Variants in ARHGEF38 observed in about 807,000 individuals in gnomAD.
The protein encoded by ARHGEF38 is Rho guanine nucleotide exchange factor 38.
A neutral mutation model predicts 79.9 loss-of-function variants in ARHGEF38; 79 were observed. The ratio of observed to expected loss-of-function variants is 0.99; its 90% CI spans 0.82 to 1.19. The LOEUF (loss-of-function observed/expected upper bound fraction) is 1.19, where lower values mean the gene tolerates loss of function less well. ARHGEF38 is among the 50% of genes most tolerant of loss of function. The pLI, the probability that ARHGEF38 is intolerant of heterozygous loss-of-function variation, is 0.00. For synonymous variants in ARHGEF38, 366 were observed against 328.3 expected, an observed-to-expected ratio of 1.11 and a Z score of -1.24; for missense variants, 962 against 907.2, an observed-to-expected ratio of 1.06 and a Z score of -0.78.
At chr4:105,560,253 A>G (rs976476513) in intron 1 of ARHGEF38, among the ~76,000 whole-genome samples, 1 of 152,064 alleles carries the variant, frequency 6.6e-6, no homozygotes, top group Non-Finnish European at 1.5e-5. Flanking sequence ...GTTGTCGGGG[A>G]ACAAAATTAC....
intron 1 of ARHGEF38, among the ~76,000 whole-genome samples, chr4:105,579,916 A>G (rs865777804): frequency 5.3e-5 from 8 of 152,176 alleles, no homozygotes; most frequent in Middle Eastern, 6.8e-3. Context: ...GGAGCTCATT[A>G]TTGGTCTGTT....
intron 3 of ARHGEF38, among the ~76,000 whole-genome samples, chr4:105,622,903 C>T (rs947959830): frequency 6.6e-6 from 1 of 152,168 alleles, no homozygotes; most frequent in African/African-American, 2.4e-5. Context: ...CACACCTTTG[C>T]ACACACACTT....
intron 5 of ARHGEF38, among the ~76,000 whole-genome samples, chr4:105,639,067 G>T (rs941289555): frequency 1.2e-4 from 18 of 151,444 alleles, no homozygotes; most frequent in Admixed American, 2.6e-4. Context: ...TCCACTACTT[G>T]CCAACACTAG....
rs1578253642 is a variant in ARHGEF38, at chr4:105,561,469, A to AATGGAATGGAATG, written c.196+8508_196+8509insATGGAATGGAATG. 2.7e-3 allele frequency: 133 copies of AATGGAATGGAATG among 49,674 alleles called. 13 individuals are homozygous for AATGGAATGGAATG. The highest frequency in any genetic ancestry group is 3.3e-3 in the African/African-American group (38 of 11,504). 3.1% of individuals were successfully genotyped at this position (49,674 alleles called of 1,614,324 possible). A position where few individuals can be genotyped will look rare whatever the true frequency, so the allele number is the denominator to read the frequency against. ...AGAATGGAATAGAATAGAATAGAAT[A>AATGGAATGGAATG]GAATAGAATAGAATAGAATAGAATA... On this transcript the variant is annotated intron_variant, in intron 1 of 13. Transcript: ENST00000420470.
chr4:105,642,644 A>G (rs1252819517), intron 5 of ARHGEF38, among the ~76,000 whole-genome samples: 1 of 152,204 alleles, frequency 6.6e-6, no homozygotes, highest in African/African-American at 2.4e-5. Context: ...AAAATGAGGA[A>G]GAACCAACAC....
At chr4:105,585,087 A>G (rs11935777) in intron 1 of ARHGEF38, among the ~76,000 whole-genome samples, 32,713 of 152,082 alleles carry the variant, frequency 0.22, 4,611 homozygotes, top group African/African-American at 0.4. Context: ...ATTTTTCTTG[A>G]CAAGTTGGTA....
chr4:105,584,474 T>G (rs1351992576), intron 1 of ARHGEF38, among the ~76,000 whole-genome samples: 1 of 152,196 alleles, frequency 6.6e-6, no homozygotes, highest in Non-Finnish European at 1.5e-5. Context: ...ACTAACGTTA[T>G]CCTTAACTTA....
chr4:105,570,583 G>T (rs1304484902), intron 1 of ARHGEF38, among the ~76,000 whole-genome samples: 1 of 152,128 alleles, frequency 6.6e-6, no homozygotes, highest in Non-Finnish European at 1.5e-5. Context: ...TGAAGAGTGG[G>T]GAAAAGGCCC....
At chr4:105,556,210 T>C (rs891340912) in intron 1 of ARHGEF38, among the ~76,000 whole-genome samples, 1 of 152,198 alleles carries the variant, frequency 6.6e-6, no homozygotes, top group Non-Finnish European at 1.5e-5. Flanking sequence ...ATTTGGTAAA[T>C]TGACATTTAT....
Position 105,679,957 on chromosome 4 carries a change from T to C in ARHGEF38, c.*2020T>C. The C allele has an allele frequency of 7.4e-7, 1 of 1,355,584 alleles. No homozygotes were observed. The highest frequency in any genetic ancestry group is 1.7e-5 in the Admixed American group (1 of 58,988). The allele number at this position is 1,355,584 out of a possible 1,614,324, so 84.0% of individuals were successfully genotyped here. On this transcript the variant is annotated 3_prime_UTR_variant, in exon 14 of 14. Coordinates refer to ENST00000420470, the MANE Select transcript of ARHGEF38 (RefSeq NM_001242729.2). ...GAAGCCTTTTAGTGTAATTTCTCTT[T>C]GTGACTGTGCAATGTCCCCATGTAA...
intron 6 of ARHGEF38, among the ~76,000 whole-genome samples, chr4:105,646,574 G>A (rs996525795): frequency 6.6e-6 from 1 of 152,134 alleles, no homozygotes; most frequent in Non-Finnish European, 1.5e-5. Context: ...ACAATACCTA[G>A]CAAAGTTGAA....
Position 105,666,268 on chromosome 4 carries a change from C to G in ARHGEF38, c.1637C>G (p.Thr546Ser). 1.3e-6 allele frequency: 2 copies of G among 1,534,802 alleles called. No homozygotes were observed. Among genetic ancestry groups the G allele is most frequent in the Non-Finnish European group, 1.7e-6 (2 of 1,146,272 alleles). ...NLNCVKENSA[T>S]FIERKLSFEK... ...AATTGTGTGAAAGAAAACAGTGCCACCTTTATTGAGAGGAAACTCAGTTTT... is the reference window on the plus strand; with the variant it reads ...AATTGTGTGAAAGAAAACAGTGCCAGCTTTATTGAGAGGAAACTCAGTTTT... The change falls in exon 11 of 14, where the codon ACC (threonine) becomes AGC (serine). Residue 546 changes from threonine (T) to serine (S), a missense_variant. Coordinates refer to ENST00000420470, the MANE Select transcript of ARHGEF38 (RefSeq NM_001242729.2).
rs1001288887 is a variant in ARHGEF38, at chr4:105,631,739, T to G, written c.656+694T>G. Reference sequence around the variant, plus strand: ...TTCTGATATTATTTATATGTATAAATGTGGGTATGTGTTTGGATTGATTCT... The same window carrying G: ...TTCTGATATTATTTATATGTATAAAGGTGGGTATGTGTTTGGATTGATTCT... On this transcript the variant is annotated intron_variant, in intron 4 of 13. Coordinates refer to ENST00000420470, the MANE Select transcript of ARHGEF38 (RefSeq NM_001242729.2). 5.8e-6 allele frequency: 5 copies of G among 864,130 alleles called. No homozygotes were observed. In the African/African-American group the frequency reaches 9.2e-5, roughly 16 times the overall value. The allele number at this position is 864,130 out of a possible 1,614,324, so 53.5% of individuals were successfully genotyped here. A position where few individuals can be genotyped will look rare whatever the true frequency, so the allele number is the denominator to read the frequency against.
At chr4:105,576,791 A>T (rs1371764647) in intron 1 of ARHGEF38, among the ~76,000 whole-genome samples, 3 of 151,980 alleles carry the variant, frequency 2.0e-5, no homozygotes, top group Admixed American at 2.0e-4. Context: ...CCTCAGTGTG[A>T]TGTTGGGGTT....
chr4:105,600,949 C>G (rs1727794822), intron 2 of ARHGEF38, among the ~76,000 whole-genome samples: 2 of 152,132 alleles, frequency 1.3e-5, no homozygotes, highest in South Asian at 4.1e-4. Flanking sequence ...CTTACTTCCA[C>G]TCTGGTTCAA....
intron 5 of ARHGEF38, among the ~76,000 whole-genome samples, chr4:105,641,852 T>G (rs1729631323): frequency 1.3e-5 from 2 of 152,210 alleles, no homozygotes; most frequent in Non-Finnish European, 2.9e-5. Context: ...CAAAGCCAGC[T>G]GTGTTTACTT....
At chr4:105,561,489 A>AATGGAATGGAATG (rs1560684712) in intron 1 of ARHGEF38, 1 of 68,886 alleles carries the variant, frequency 1.5e-5, no homozygotes, top group Admixed American at 1.5e-4. Context: ...AGAATAGAAT[A>AATGGAATGGAATG]GAATAGAATA....
At chr4:105,630,193 C>A (rs1578327789) in intron 3 of ARHGEF38, among the ~76,000 whole-genome samples, 1 of 151,684 alleles carries the variant, frequency 6.6e-6, no homozygotes, top group Non-Finnish European at 1.5e-5. Flanking sequence ...AGTCAAAGTG[C>A]CAGTCTGTAG....
At position 105,589,368 on chromosome 4, in the gene ARHGEF38, A is replaced by G; in HGVS notation, c.317A>G (p.Glu106Gly). The change falls in exon 2 of 14, where the codon GAA (glutamate) becomes GGA (glycine). Residue 106 changes from glutamate to glycine, a missense_variant. Glu to Gly is a moderately conservative substitution (Grantham distance 98). Transcript: ENST00000420470. ...ATCATTAAGGAGCTGATACAGACAGAAAAGGATTATCTCAATGATCTAGAG... is the reference window on the plus strand; with the variant it reads ...ATCATTAAGGAGCTGATACAGACAGGAAAGGATTATCTCAATGATCTAGAG... ...EKIIKELIQT[E>G]KDYLNDLELC... 1 of 1,614,142 alleles carries G rather than the reference A, an allele frequency of 6.2e-7. No individual in the cohort carries two copies. Among genetic ancestry groups the G allele is most frequent in the Non-Finnish European group, 8.5e-7 (1 of 1,180,002 alleles).
Sources: gnomAD v4.1 joint callset for allele counts (sites outside exome capture counted in the v4.1 genomes callset) on GRCh38, gnomAD v4.1.1 for gene constraint, MANE v1.5 for transcripts, NCBI Gene and HGNC (gene_info 2026-07-23, HGNC 2026-07-21) for gene names.